HMCN1: variants seen among roughly 807,000 people sequenced by gnomAD.
The protein encoded by HMCN1 is hemicentin-1.
In HMCN1, 321 loss-of-function variants were observed where a neutral mutation model predicts 625.9. That is an observed-to-expected ratio of 0.51 (90% CI 0.47 to 0.56). The LOEUF (loss-of-function observed/expected upper bound fraction) is 0.56. Among genes scored for constraint, HMCN1 ranks in the 20% least tolerant of loss-of-function variants. The pLI is 0.00. For missense variants in HMCN1, 6,588 were observed against 6,887.3 expected (o/e 0.96, Z 1.54); for synonymous variants, 2,425 against 2,417.6 (o/e 1.00, Z -0.09).
In HMCN1 at chr1:186,117,056, A is replaced by C. The variant is rs749613110; in HGVS notation, c.11624A>C (p.Glu3875Ala). ...SPSVDDTATY[E>A]CTVTNGAGDD... is the part of the protein sequence containing the mutation. Reference sequence around the variant, plus strand: ...TCTGTGGATGACACTGCAACCTATGAATGTACTGTGACAAACGGTGCTGGA... The same window carrying C: ...TCTGTGGATGACACTGCAACCTATGCATGTACTGTGACAAACGGTGCTGGA... The change falls in exon 76 of 107, where the codon GAA (glutamate) becomes GCA (alanine). Residue 3875 changes from glutamate (E) to alanine (A), a missense_variant. Glu to Ala is a moderately radical substitution (Grantham distance 107). Transcript: ENST00000271588. 1 of 1,613,582 alleles carries C rather than the reference A, an allele frequency of 6.2e-7. No individual in the cohort carries two copies. Among genetic ancestry groups the C allele is most frequent in the Non-Finnish European group, 8.5e-7 (1 of 1,179,584 alleles).
intron 1 of HMCN1, among the ~76,000 whole-genome samples, chr1:185,786,945 T>C (rs879815143): frequency 2.0e-5 from 3 of 152,210 alleles, no homozygotes; most frequent in Admixed American, 6.5e-5. Flanking sequence ...TGGGACATGC[T>C]TTTTTGCCTT....
intron 14 of HMCN1, among the ~76,000 whole-genome samples, chr1:185,966,600 A>G (rs77216618): frequency 0.036 from 5,445 of 152,190 alleles, 145 homozygotes; most frequent in Non-Finnish European, 0.054. Context: ...CAGTTCTTCC[A>G]GTTACGGGAA....
rs746013470 is a variant in HMCN1, at chr1:186,057,283, G to A, written c.7194G>A (p.Val2398=). 5 of 1,611,040 alleles carry A rather than the reference G, an allele frequency of 3.1e-6. No homozygotes were observed. The highest frequency in any genetic ancestry group is 3.4e-6 in the Non-Finnish European group (4 of 1,177,750). Residue 2398 remains valine (V), a synonymous_variant, in exon 46 of 107, where the codon GTG becomes GTA. Coordinates refer to ENST00000271588, the MANE Select transcript of HMCN1 (RefSeq NM_031935.3). ...GNHRSPENIS[V]VEKNSVSLTC... ...ACAGGTCACCTGAAAATATTAGTGT[G>A]GTAGAAAAGAACTCAGTATCTTTGA... is the stretch of plus-strand genomic sequence containing the variant.
chr1:186,052,642 A>G (rs1181422990), intron 42 of HMCN1, among the ~76,000 whole-genome samples: 2 of 152,040 alleles, frequency 1.3e-5, no homozygotes, highest in Non-Finnish European at 2.9e-5. Flanking sequence ...AGGTGTCTAA[A>G]TATCTTGCAT....
rs563698536 is a variant in HMCN1, at chr1:186,038,746, A to G, written c.5852-83A>G. On this transcript the variant is annotated intron_variant, in intron 37 of 106. Transcript: ENST00000271588. ...AAATAATAAGTATAAGAATAAAGTA[A>G]TAGTGACTTAGCTAAGATCCAACTT... 2.6e-3 allele frequency: 2,049 copies of G among 791,690 alleles called. 9 individuals are homozygous for G. Among genetic ancestry groups the G allele is most frequent in the Non-Finnish European group, 3.0e-3 (1,340 of 441,592 alleles). The allele number at this position is 791,690 out of a possible 1,614,324, so 49.0% of individuals were successfully genotyped here.
At chr1:185,737,927 C>T (rs989451711) in intron 1 of HMCN1, among the ~76,000 whole-genome samples, 1 of 152,090 alleles carries the variant, frequency 6.6e-6, no homozygotes, top group Non-Finnish European at 1.5e-5. Context: ...GGCAGGGTGT[C>T]TAACAAGTTG....
chr1:186,122,802 G>GA, intron 80 of HMCN1, 149 bp from the exon 81 acceptor site: 2 of 831,660 alleles, frequency 2.4e-6, no homozygotes, highest in African/African-American at 1.7e-5. Flanking sequence ...TTGTTCCCAT[G>GA]AAAAAATGTA....
chr1:185,983,806 G>A (rs1378817681), intron 18 of HMCN1, among the ~76,000 whole-genome samples: 1 of 152,136 alleles, frequency 6.6e-6, no homozygotes, highest in Non-Finnish European at 1.5e-5. Context: ...GTGGTAATAA[G>A]GCCTTCTTGG....
At position 185,909,320 on chromosome 1, in the gene HMCN1, C is replaced by A. The variant is rs776676232; in HGVS notation, c.622-17C>A. ...ATGTTTTCTGATATCACTTACACTT[C>A]TCTTTCTCTCTTATAGGTATTAAAA... On this transcript the variant is annotated splice_polypyrimidine_tract_variant and intron_variant, in intron 4 of 106. Transcript: ENST00000271588. The A allele has an allele frequency of 2.5e-6, 4 of 1,599,028 alleles. No individual in the cohort carries two copies. The South Asian group carries it at 4.4e-5, about 18-fold the overall frequency.
Position 186,017,041 on chromosome 1 carries a change from A to G in HMCN1, c.5270A>G (p.His1757Arg), listed in dbSNP as rs1299752151. The G allele has an allele frequency of 6.8e-6, 11 of 1,605,856 alleles. No individual in the cohort carries two copies. Among genetic ancestry groups the G allele is most frequent in the Non-Finnish European group, 9.4e-6 (11 of 1,172,766 alleles). Residue 1757 changes from histidine (H) to arginine (R), a missense_variant, in exon 33 of 107, where the codon CAT becomes CGT. By Grantham distance (29) the His-to-Arg change is conservative (BLOSUM62 0). Coordinates refer to ENST00000271588, the MANE Select transcript of HMCN1 (RefSeq NM_031935.3). ...AATAACTTACTGGAGCTAGATTGTCATGTGACAGGCTCTCCCCCACCAACT... is the reference window on the plus strand; with the variant it reads ...AATAACTTACTGGAGCTAGATTGTCGTGTGACAGGCTCTCCCCCACCAACT... ...MVNNLLELDC[H>R]VTGSPPPTIM...
chr1:185,999,136 A>G (rs1653005763), intron 25 of HMCN1, among the ~76,000 whole-genome samples: 1 of 151,972 alleles, frequency 6.6e-6, no homozygotes, highest in Admixed American at 6.6e-5. Context: ...TTTTATATAT[A>G]TATATCCTGG....
intron 85 of HMCN1, among the ~76,000 whole-genome samples, chr1:186,131,919 A>G (rs1290904878): frequency 1.3e-5 from 2 of 152,188 alleles, no homozygotes; most frequent in Non-Finnish European, 2.9e-5. Context: ...CCCCATTAGA[A>G]AGGACTCAGT....
Position 186,081,213 on chromosome 1 carries a change from C to A in HMCN1, c.8606C>A (p.Pro2869Gln). The A allele has an allele frequency of 6.2e-7, 1 of 1,613,338 alleles. No homozygotes were observed. Among genetic ancestry groups the A allele is most frequent in the Non-Finnish European group, 8.5e-7 (1 of 1,179,424 alleles). The change falls in exon 56 of 107, where the codon CCA becomes CAA. Residue 2869 changes from proline to glutamine, a missense_variant. Transcript: ENST00000271588. ...LQYDVRVLVP[P>Q]IIKGANSDLP... is the part of the protein sequence containing the mutation. ...TGTTGCAATCCTTTGTTAGTGCCGC[C>A]AATTATCAAGGGAGCAAATAGTGAT...
chr1:185,933,571 G>A lies in HMCN1; in HGVS notation c.1575G>A (p.Val525=). The change falls in exon 11 of 107, where the codon GTG becomes GTA. Residue 525 remains valine, a synonymous_variant. Transcript: ENST00000271588. The part of the protein sequence containing the change: ...DVSEPPPVIQ[V]PNNVTVTPGE... ...CAGAGCCCCCTCCGGTCATCCAAGT[G>A]CCTAACAATGTTACAGTCACTCCTG... 6.2e-7 allele frequency: 1 copy of A among 1,613,930 alleles called. No individual in the cohort carries two copies. Among genetic ancestry groups the A allele is most frequent in the Non-Finnish European group, 8.5e-7 (1 of 1,179,900 alleles).
intron 80 of HMCN1, 50 bp from the exon 81 acceptor site, chr1:186,122,901 C>T (rs1379588341): frequency 2.5e-6 from 4 of 1,590,810 alleles, no homozygotes; most frequent in Non-Finnish European, 3.4e-6. Context: ...AATTTGCGCA[C>T]TCATGCTTCT....
intron 100 of HMCN1, among the ~76,000 whole-genome samples, chr1:186,170,873 G>A (rs1199433968): frequency 2.6e-5 from 4 of 152,204 alleles, no homozygotes; most frequent in Non-Finnish European, 1.5e-5. Flanking sequence ...CAAATGTAGA[G>A]AAATGCTGAT....
chr1:186,142,521 C>T (rs1470034517), intron 89 of HMCN1, among the ~76,000 whole-genome samples: 1 of 152,082 alleles, frequency 6.6e-6, no homozygotes, highest in Non-Finnish European at 1.5e-5. Flanking sequence ...GGCATATACC[C>T]AATAGTGGGA....
rs1158426415 is a variant in HMCN1 at position 186,081,313 on chromosome 1, A to G, written c.8706A>G (p.Pro2902=). 9 of 1,613,832 alleles carry G rather than the reference A, an allele frequency of 5.6e-6. No homozygotes were observed. The highest frequency in any genetic ancestry group is 7.6e-6 in the Non-Finnish European group (9 of 1,179,786). The change falls in exon 56 of 107, where the codon CCA becomes CCG. Residue 2902 remains proline, a synonymous_variant. Transcript: ENST00000271588. Reference sequence around the variant, plus strand: ...GTTTATCCAGTGGCAGCCCAGCACCAAGGAATTCCTGGCAGAAAGATGGAC... The same window carrying G: ...GTTTATCCAGTGGCAGCCCAGCACCGAGGAATTCCTGGCAGAAAGATGGAC... The part of the protein sequence containing the change: ...IECLSSGSPA[P]RNSWQKDGQP...
chr1:185,768,133 G>A (rs528406637), intron 1 of HMCN1, among the ~76,000 whole-genome samples: 11 of 152,148 alleles, frequency 7.2e-5, no homozygotes, highest in African/African-American at 2.2e-4. Context: ...CTCACCATAC[G>A]TTTACTAAAC....
Sources: allele counts gnomAD v4.1 joint callset (sites outside exome capture counted in the v4.1 genomes callset), GRCh38; gene constraint gnomAD v4.1.1; transcripts MANE v1.5; gene names NCBI Gene and HGNC (gene_info 2026-07-23, HGNC 2026-07-21).